Variants in PPA2 observed in about 807,000 individuals in gnomAD.
The protein encoded by PPA2 is inorganic pyrophosphatase 2.
Under a neutral mutation model 49.5 loss-of-function variants are expected in PPA2, and 48 were observed. The ratio of observed to expected loss-of-function variants is 0.97; its 90% CI spans 0.77 to 1.23. The LOEUF is 1.23. PPA2 is among the 50% of genes most tolerant of loss of function. The pLI, the probability that PPA2 is intolerant of heterozygous loss-of-function variation, is 0.00. For synonymous variants in PPA2, 131 were observed against 139.9 expected, an observed-to-expected ratio of 0.94 and a Z score of 0.45; for missense variants, 429 against 410.1, an observed-to-expected ratio of 1.05 and a Z score of -0.40.
chr4:105,414,387 C>G (rs988612183), intron 7 of PPA2, among the ~76,000 whole-genome samples: 9 of 152,248 alleles, frequency 5.9e-5, no homozygotes, highest in African/African-American at 2.2e-4. Flanking sequence ...GCCCGCTGGG[C>G]TCCTTCCACC....
Position 105,409,368 on chromosome 4 carries a change from GGC to G in PPA2, c.656-10206_656-10205del, listed in dbSNP as rs1401138127. Among the ~76,000 whole-genome samples the G allele has an allele frequency of 2.0e-5, 3 of 152,346 alleles. No individual in the cohort carries two copies. In the East Asian group the frequency reaches 5.8e-4, roughly 29 times the overall value. Reference sequence around the variant, plus strand: ...GAGGAGGGGCGTCCACCATTGCTGAGGCTTGAGTAGGTAAACAAAGCGGCCTG... The same window carrying G: ...GAGGAGGGGCGTCCACCATTGCTGAGTTGAGTAGGTAAACAAAGCGGCCTG... On this transcript the variant is annotated intron_variant, in intron 7 of 11. Coordinates refer to ENST00000341695, the MANE Select transcript of PPA2 (RefSeq NM_176869.3).
intron 6 of PPA2, among the ~76,000 whole-genome samples, chr4:105,428,526 CAA>C (rs35821105): frequency 1.4e-5 from 2 of 144,034 alleles, no homozygotes; most frequent in Admixed American, 6.9e-5. Context: ...AAATGGAAAG[CAA>C]AAAAAAAAAA....
chr4:105,473,223 C>A (rs2074396), intron 1 of PPA2: 88,761 of 160,234 alleles, frequency 0.55, 27,598 homozygotes, highest in Non-Finnish European at 0.7. Context: ...ACTCAGGGAC[C>A]CCCCCGAAGT....
intron 7 of PPA2, among the ~76,000 whole-genome samples, chr4:105,400,220 A>C (rs916301243): frequency 6.6e-6 from 1 of 152,184 alleles, no homozygotes; most frequent in Non-Finnish European, 1.5e-5. Context: ...CAAAACAAAC[A>C]GGGATGTTTT....
intron 9 of PPA2, among the ~76,000 whole-genome samples, chr4:105,391,694 C>A (rs1385894063): frequency 3.9e-5 from 6 of 152,008 alleles, no homozygotes; most frequent in Non-Finnish European, 8.8e-5. Flanking sequence ...GAAGGAAGAG[C>A]CCATGAGGCT....
At chr4:105,386,810 A>C (rs548670739) in intron 9 of PPA2, among the ~76,000 whole-genome samples, 174 bp from the exon 10 acceptor site, 2 of 152,364 alleles carry the variant, frequency 1.3e-5, no homozygotes, top group South Asian at 4.1e-4. Context: ...TCTTTCAGGC[A>C]AGGTTCTAAG....
At chr4:105,378,829 A>G (rs993063280) in intron 10 of PPA2, among the ~76,000 whole-genome samples, 1 of 152,110 alleles carries the variant, frequency 6.6e-6, no homozygotes, top group Admixed American at 6.6e-5. Flanking sequence ...CAGTTGTCCA[A>G]ATATATGTAG....
chr4:105,473,815 C>A, intron 1 of PPA2, 79 bp downstream of exon 1: 1 of 1,530,802 alleles, frequency 6.5e-7, no homozygotes, highest in South Asian at 1.2e-5. Context: ...CCGCGCGGGG[C>A]GTCCCAAGTG....
chr4:105,434,175 A>C (rs983390036), intron 6 of PPA2, among the ~76,000 whole-genome samples: 2 of 152,140 alleles, frequency 1.3e-5, no homozygotes, highest in Non-Finnish European at 2.9e-5. Context: ...GTGAAAAGGA[A>C]CCAGAGTGGA....
At chr4:105,370,126 C>T (rs1367306273) in intron 11 of PPA2, among the ~76,000 whole-genome samples, 1 of 152,140 alleles carries the variant, frequency 6.6e-6, no homozygotes, top group Non-Finnish European at 1.5e-5. Context: ...GGGATAGTAT[C>T]GCAAAGAAAC....
chr4:105,374,389 T>C (rs1733152821), intron 10 of PPA2, among the ~76,000 whole-genome samples: 1 of 152,228 alleles, frequency 6.6e-6, no homozygotes, highest in Non-Finnish European at 1.5e-5. Context: ...AGTGAGACTG[T>C]GTCTTTTATT....
At chr4:105,404,105 G>C (rs1335499750) in intron 7 of PPA2, among the ~76,000 whole-genome samples, 1 of 151,276 alleles carries the variant, frequency 6.6e-6, no homozygotes, top group Non-Finnish European at 1.5e-5. Context: ...ATATATGAGA[G>C]AGAAATTTAG....
At chr4:105,430,093 C>G (rs1723728117) in intron 6 of PPA2, among the ~76,000 whole-genome samples, 1 of 152,182 alleles carries the variant, frequency 6.6e-6, no homozygotes, top group Non-Finnish European at 1.5e-5. Flanking sequence ...AATTTGAACA[C>G]ATGCTTCAGA....
In PPA2 at chr4:105,369,742, G is replaced by T; in HGVS notation, c.988C>A (p.His330Asn). The T allele has an allele frequency of 6.3e-7, 1 of 1,591,436 alleles. No individual in the cohort carries two copies. Among genetic ancestry groups the T allele is most frequent in the Non-Finnish European group, 8.6e-7 (1 of 1,159,470 alleles). The change falls in exon 12 of 12, where the codon CAC becomes AAC. Residue 330 changes from histidine (H) to asparagine (N), a missense_variant. Transcript: ENST00000341695. ...KESNEEEQVW[H>N]FLGK is the part of the protein sequence containing the mutation. ...TGTTTCAATCACTTGCCAAGGAAGT[G>T]CCACACTTGCTCTGCATTTAAAATG...
intron 7 of PPA2, among the ~76,000 whole-genome samples, chr4:105,412,795 G>A (rs552814604): frequency 5.9e-5 from 9 of 152,216 alleles, no homozygotes; most frequent in East Asian, 1.9e-4. Context: ...ATCATCTCAC[G>A]CCAGTTAGAA....
chr4:105,392,626 T>C (rs895227694), intron 9 of PPA2, among the ~76,000 whole-genome samples: 2 of 151,736 alleles, frequency 1.3e-5, no homozygotes, highest in East Asian at 1.9e-4. Flanking sequence ...TGAGCCGAGA[T>C]TGCATCACTG....
intron 7 of PPA2, among the ~76,000 whole-genome samples, chr4:105,411,425 C>T (rs1722752315): frequency 6.6e-6 from 1 of 151,984 alleles, no homozygotes; most frequent in African/African-American, 2.4e-5. Flanking sequence ...TACTTAGAGA[C>T]CTACAAAGAG....
At chr4:105,397,442 C>G (rs1734193719) in intron 8 of PPA2, among the ~76,000 whole-genome samples, 1 of 151,978 alleles carries the variant, frequency 6.6e-6, no homozygotes, top group South Asian at 2.1e-4. Flanking sequence ...TTATTTAGAA[C>G]CAATTTCAAT....
In PPA2 at chr4:105,395,566, C is replaced by T. The variant is rs145084348; in HGVS notation, c.869+683G>A. ...AACATTAAGTAGGTTATAAAACTAA[C>T]GAGGCTTTAAACAATACTGAGGCCC... is the stretch of plus-strand genomic sequence containing the variant. On this transcript the variant is annotated intron_variant, in intron 9 of 11. Coordinates refer to ENST00000341695, the MANE Select transcript of PPA2 (RefSeq NM_176869.3). Among the ~76,000 whole-genome samples the T allele has an allele frequency of 2.8e-3, 419 of 152,106 alleles. 2 individuals carry two copies. Among genetic ancestry groups the T allele is most frequent in the African/African-American group, 9.5e-3 (396 of 41,494 alleles).
Sources: gnomAD v4.1 joint callset for allele counts (sites outside exome capture counted in the v4.1 genomes callset) on GRCh38, gnomAD v4.1.1 for gene constraint, MANE v1.5 for transcripts, NCBI Gene and HGNC (gene_info 2026-07-23, HGNC 2026-07-21) for gene names.